The following SH3GL1 variants were observed in gnomAD, a reference collection of about 807,000 sequenced individuals.
The protein encoded by SH3GL1 is SH3 domain containing GRB2 like 1, endophilin A2.
In SH3GL1, 21 loss-of-function variants were observed where a neutral mutation model predicts 48.8. The observed-to-expected ratio is 0.43, with a 90% CI of 0.30 to 0.62. The LOEUF is 0.62. SH3GL1 is among the 20% of genes least tolerant of loss of function. The pLI is 0.11. For missense variants in SH3GL1, 454 were observed against 503.0 expected, an observed-to-expected ratio of 0.90 and a Z score of 0.93; for synonymous variants, 282 against 217.5, an observed-to-expected ratio of 1.30 and a Z score of -2.61.
chr19:4,368,667 G>A (rs1418772067), intron 1 of SH3GL1, among the ~76,000 whole-genome samples: 1 of 152,202 alleles, frequency 6.6e-6, no homozygotes. Context: ...TGTGCGGGGT[G>A]TGCCGGGCAT....
chr19:4,379,242 T>C (rs374614720), intron 1 of SH3GL1, among the ~76,000 whole-genome samples: 2 of 151,508 alleles, frequency 1.3e-5, no homozygotes, highest in Admixed American at 1.3e-4. Context: ...TCACCTGAGA[T>C]TGGGAGTTCA....
At chr19:4,381,379 T>C (rs1973125307) in intron 1 of SH3GL1, among the ~76,000 whole-genome samples, 1 of 106,372 alleles carries the variant, frequency 9.4e-6, no homozygotes. Flanking sequence ...CTCCCATCTG[T>C]CCCCTCTGCC....
chr19:4,370,714 G>T (rs1390511676), intron 1 of SH3GL1, among the ~76,000 whole-genome samples: 1 of 152,268 alleles, frequency 6.6e-6, no homozygotes, highest in Non-Finnish European at 1.5e-5. Flanking sequence ...TCAGATGCCG[G>T]CTGGCCTCCC....
chr19:4,377,039 C>T (rs1331811930), intron 1 of SH3GL1, among the ~76,000 whole-genome samples: 2 of 152,228 alleles, frequency 1.3e-5, no homozygotes, highest in Non-Finnish European at 2.9e-5. Context: ...GGACGGTTCA[C>T]CTGGGCTGAC....
intron 1 of SH3GL1, among the ~76,000 whole-genome samples, chr19:4,394,126 C>A (rs1973385732): frequency 1.1e-4 from 10 of 89,746 alleles, no homozygotes; most frequent in Non-Finnish European, 1.7e-4. Context: ...TCCTTTCAGG[C>A]AAAAAAAAAA....
chr19:4,379,032 G>A (rs976383091), intron 1 of SH3GL1, among the ~76,000 whole-genome samples: 3 of 152,218 alleles, frequency 2.0e-5, no homozygotes, highest in African/African-American at 7.2e-5. Context: ...CTCATGTTGC[G>A]CCCAGAGCGC....
At position 4,362,483 on chromosome 19, in the gene SH3GL1, G is replaced by A. The variant is rs568206300; in HGVS notation, c.854-98C>T. 1.1e-4 allele frequency: 177 copies of A among 1,568,696 alleles called. No homozygotes were observed. In the East Asian group the frequency reaches 2.3e-3, roughly 20 times the overall value. ...GCCAGCCCTTCCCGTCTGCCTTGGC[G>A]GTCCAGATGGAGCACGGCTGAGAGC... On this transcript the variant is annotated intron_variant, in intron 8 of 9. Coordinates refer to ENST00000269886, the MANE Select transcript of SH3GL1 (RefSeq NM_003025.4).
chr19:4,381,201 C>T, intron 1 of SH3GL1, among the ~76,000 whole-genome samples: 1 of 135,018 alleles, frequency 7.4e-6, no homozygotes, highest in East Asian at 2.4e-4. Flanking sequence ...TCTCTCCCAT[C>T]TCTCTCTGTC....
chr19:4,385,129 G>T (rs1365128586), intron 1 of SH3GL1, among the ~76,000 whole-genome samples: 5 of 151,288 alleles, frequency 3.3e-5, no homozygotes, highest in Non-Finnish European at 5.9e-5. Flanking sequence ...TAGGGTACGA[G>T]AAACCAAGCA....
chr19:4,391,357 C>T (rs1973334867), intron 1 of SH3GL1, among the ~76,000 whole-genome samples: 1 of 152,142 alleles, frequency 6.6e-6, no homozygotes, highest in Non-Finnish European at 1.5e-5. Flanking sequence ...ATTAGGGGCA[C>T]CTGGAATATA....
At chr19:4,362,830 G>T (rs1169740854) in intron 7 of SH3GL1, 94 bp from the exon 8 acceptor site, 70 of 1,586,534 alleles carry the variant, frequency 4.4e-5, no homozygotes, top group Non-Finnish European at 5.9e-5. Context: ...ACCTGGCCTG[G>T]GACTGCAGGA....
chr19:4,372,624 T>C (rs775136542), intron 1 of SH3GL1, among the ~76,000 whole-genome samples: 1 of 152,156 alleles, frequency 6.6e-6, no homozygotes, highest in Non-Finnish European at 1.5e-5. Flanking sequence ...CTGAACCCCT[T>C]TCCATCTGCA....
In SH3GL1 at chr19:4,361,389, C is replaced by T. The variant is rs1318574976; in HGVS notation, c.*211G>A. 12 of 578,962 alleles carry T rather than the reference C, an allele frequency of 2.1e-5. No individual in the cohort carries two copies. Among genetic ancestry groups the T allele is most frequent in the African/African-American group, 7.5e-5 (4 of 53,258 alleles). The allele number at this position is 578,962 out of a possible 1,614,324, so 35.9% of individuals were successfully genotyped here. A position where few individuals can be genotyped will look rare whatever the true frequency, so the allele number is the denominator to read the frequency against. On this transcript the variant is annotated 3_prime_UTR_variant, in exon 10 of 10. Coordinates refer to ENST00000269886, the MANE Select transcript of SH3GL1 (RefSeq NM_003025.4). ...GGGAGCCGTCACCGTTGGGAGTCAG[C>T]GCTAGTGTAAACAGGCATCCCCACC...
Position 4,400,497 on chromosome 19 carries a change from C to A in SH3GL1, c.-129G>T, listed in dbSNP as rs557858161. 4 of 758,192 alleles carry A rather than the reference C, an allele frequency of 5.3e-6. No individual in the cohort carries two copies. The highest frequency in any genetic ancestry group is 6.6e-6 in the Non-Finnish European group (4 of 605,774). 47.0% of individuals were successfully genotyped at this position (758,192 alleles called of 1,614,324 possible). A position where few individuals can be genotyped will look rare whatever the true frequency, so the allele number is the denominator to read the frequency against. On this transcript the variant is annotated 5_prime_UTR_variant, in exon 1 of 10. Transcript: ENST00000269886. This position sits in a 1 kb window ranked among gnomAD's most constrained non-coding sequence, Gnocchi z 4.1. ...CCGCCACCCGCTTGCCAGCTCCGCG[C>A]CCGCCCCGGCGCCGCCTCAGCCGCT...
chr19:4,381,874 T>C (rs1012972233), intron 1 of SH3GL1, among the ~76,000 whole-genome samples: 7 of 151,366 alleles, frequency 4.6e-5, no homozygotes, highest in Non-Finnish European at 1.0e-4. Flanking sequence ...TTGTATTTTT[T>C]AGTAGAGACG....
rs1599628561 is a variant in SH3GL1, at chr19:4,400,434, C to G, written c.-66G>C. 9 of 1,451,130 alleles carry G rather than the reference C, an allele frequency of 6.2e-6. No homozygotes were observed. Among genetic ancestry groups the G allele is most frequent in the African/African-American group, 1.5e-5 (1 of 67,520 alleles). 89.9% of individuals were successfully genotyped at this position (1,451,130 alleles called of 1,614,324 possible). On this transcript the variant is annotated 5_prime_UTR_variant, in exon 1 of 10. Transcript: ENST00000269886. The surrounding 1 kb of genome is among the most constrained non-coding windows in gnomAD (Gnocchi z 4.1). The stretch of plus-strand genomic sequence containing the variant: ...GCGACAGGCTCCCGGGCGCCGCCGA[C>G]CCTCTGCGCGCCTCAGCAGTCCCCG...
chr19:4,362,764 G>A (rs116493996), intron 7 of SH3GL1, 28 bp from the exon 8 acceptor site: 17,108 of 1,613,114 alleles, frequency 0.011, 157 homozygotes, highest in African/African-American at 0.042. Context: ...TGAGTGGACC[G>A]AGCCCGTGTC....
Position 4,365,531 on chromosome 19 carries a change from G to A in SH3GL1, c.282C>T (p.Gly94=), listed in dbSNP as rs758399287. Residue 94 remains glycine, a synonymous_variant, in exon 4 of 10, where the codon GGC becomes GGT. Coordinates refer to ENST00000269886, the MANE Select transcript of SH3GL1 (RefSeq NM_003025.4). ...CCTTCCCGTGGCGGATCATGCACTCGCCCAGAAGCCCCTCCGACTGCGGGT... is the reference window on the plus strand; with the variant it reads ...CCTTCCCGTGGCGGATCATGCACTCACCCAGAAGCCCCTCCGACTGCGGGT... ...PGYPQSEGLL[G]ECMIRHGKEL... The A allele has an allele frequency of 1.2e-6, 2 of 1,613,992 alleles. No homozygotes were observed. The highest frequency in any genetic ancestry group is 1.7e-6 in the Non-Finnish European group (2 of 1,180,020).
chr19:4,370,606 CT>C (rs1972879853), intron 1 of SH3GL1, among the ~76,000 whole-genome samples: 1 of 152,254 alleles, frequency 6.6e-6, no homozygotes, highest in South Asian at 2.1e-4. Context: ...CCCACAAGGG[CT>C]GCCATCCTGA....
Sources: allele counts gnomAD v4.1 joint callset (sites outside exome capture counted in the v4.1 genomes callset), GRCh38; gene constraint gnomAD v4.1.1; non-coding constraint Gnocchi (gnomAD v3.1); transcripts MANE v1.5; gene names NCBI Gene and HGNC (gene_info 2026-07-23, HGNC 2026-07-21).